The following RANBP2 variants were observed in gnomAD, a reference collection of about 807,000 sequenced individuals.
RANBP2 encodes RAN binding protein 2, also known as E3 SUMO-protein ligase RanBP2.
Under a neutral mutation model 303.6 loss-of-function variants are expected in RANBP2, and 57 were observed. That is an observed-to-expected ratio of 0.19 (90% CI 0.15 to 0.23). RANBP2 has a LOEUF of 0.23. Ranked by LOEUF, RANBP2 falls within the 10% of genes least tolerant of loss-of-function variation. The probability of loss-of-function intolerance (pLI) is 1.00; values close to 1 mark genes in which losing one functional copy is unlikely to be tolerated. For synonymous variants in RANBP2, 1,167 were observed against 1,301.5 expected (o/e 0.90, Z 2.23); for missense variants, 3,138 against 3,780.8 (o/e 0.83, Z 4.46).
At chr2:109,238,375 C>T in the RANBP2 span, among the ~76,000 whole-genome samples, 404 of 152,014 alleles carry the variant, frequency 2.7e-3, 2 homozygotes, top group African/African-American at 9.4e-3. Flanking sequence ...CAGAGCATGA[C>T]AGCTAGATTG....
the RANBP2 span, among the ~76,000 whole-genome samples, chr2:108,870,495 A>G: frequency 3.3e-5 from 5 of 152,238 alleles, 1 homozygote; most frequent in Non-Finnish European, 7.3e-5. Flanking sequence ...ACGGCTCTAC[A>G]AATCAAAGAA....
the RANBP2 span, among the ~76,000 whole-genome samples, chr2:108,981,814 A>T: frequency 2.1e-4 from 32 of 152,238 alleles, no homozygotes; most frequent in Admixed American, 1.7e-3. Flanking sequence ...CACCTCTCCA[A>T]GCCTTACTCT....
At chr2:109,479,861 C>T in the RANBP2 span, among the ~76,000 whole-genome samples, 3 of 152,134 alleles carry the variant, frequency 2.0e-5, no homozygotes, top group Non-Finnish European at 4.4e-5. Flanking sequence ...GCCCTCAGAG[C>T]CTTCATACGG....
the RANBP2 span, chr2:109,129,269 C>T: frequency 1.6e-6 from 1 of 607,964 alleles, no homozygotes; most frequent in East Asian, 3.8e-5. Context: ...GGACTTGCGG[C>T]GGGACAGGTG....
the RANBP2 span, among the ~76,000 whole-genome samples, chr2:109,025,300 T>C: frequency 6.6e-5 from 10 of 152,230 alleles, no homozygotes; most frequent in Non-Finnish European, 1.3e-4. Flanking sequence ...TGAATAATGC[T>C]GCTCTAATCA....
the RANBP2 span, among the ~76,000 whole-genome samples, chr2:109,005,130 C>G: frequency 6.6e-6 from 1 of 152,202 alleles, no homozygotes; most frequent in Non-Finnish European, 1.5e-5. Flanking sequence ...TATTTGGTAC[C>G]TAGAAGCTAG....
the RANBP2 span, among the ~76,000 whole-genome samples, chr2:108,821,995 C>A: frequency 3.3e-5 from 5 of 150,032 alleles, no homozygotes; most frequent in Non-Finnish European, 7.4e-5. Flanking sequence ...TAGATGAAAT[C>A]AAAAAACTAA....
chr2:109,144,330 A>T, the RANBP2 span, among the ~76,000 whole-genome samples: 10 of 151,380 alleles, frequency 6.6e-5, no homozygotes, highest in South Asian at 2.1e-3. Flanking sequence ...TCAATAAAAC[A>T]GGGGAAATAT....
At chr2:109,519,458 T>C in the RANBP2 span, among the ~76,000 whole-genome samples, 2 of 152,178 alleles carry the variant, frequency 1.3e-5, no homozygotes, top group Non-Finnish European at 2.9e-5. Context: ...CTTGTAGTTC[T>C]AGGAACATTG....
chr2:108,910,857 A>G, the RANBP2 span: 1 of 1,613,900 alleles, frequency 6.2e-7, no homozygotes. Context: ...CAGGCTGGGG[A>G]GAGAGGAGGG....
chr2:109,286,445 A>C, the RANBP2 span, among the ~76,000 whole-genome samples: 1,076 of 152,288 alleles, frequency 7.1e-3, 16 homozygotes, highest in African/African-American at 0.025. Context: ...TCCTGTGGTC[A>C]CTCAGCACAT....
At chr2:109,048,964 T>C in the RANBP2 span, among the ~76,000 whole-genome samples, 2 of 152,248 alleles carry the variant, frequency 1.3e-5, no homozygotes, top group Admixed American at 1.3e-4. Context: ...TTCTGAACAG[T>C]TCACAGTCTT....
chr2:109,332,924 G>T, the RANBP2 span, among the ~76,000 whole-genome samples: 1 of 152,258 alleles, frequency 6.6e-6, no homozygotes, highest in Non-Finnish European at 1.5e-5. Flanking sequence ...CTGTTTTGAT[G>T]GGAGGAAATT....
chr2:109,678,921 G>A, the RANBP2 span, among the ~76,000 whole-genome samples: 2 of 152,196 alleles, frequency 1.3e-5, no homozygotes, highest in Non-Finnish European at 2.9e-5. Context: ...ACTGGAGCTA[G>A]GAATGCAGGA....
the RANBP2 span, among the ~76,000 whole-genome samples, chr2:109,636,199 C>T: frequency 6.6e-6 from 1 of 152,172 alleles, no homozygotes; most frequent in Non-Finnish European, 1.5e-5. Context: ...GTCTATAAGC[C>T]ACCAAGTCTG....
At chr2:109,541,464 C>G in the RANBP2 span, among the ~76,000 whole-genome samples, 1 of 152,198 alleles carries the variant, frequency 6.6e-6, no homozygotes, top group Non-Finnish European at 1.5e-5. Flanking sequence ...GCCCAGCTCC[C>G]CCTGCCTGCC....
chr2:108,794,504 A>C, the RANBP2 span: 1 of 1,552,082 alleles, frequency 6.4e-7, no homozygotes, highest in Non-Finnish European at 8.7e-7. Context: ...CAATAAGTTA[A>C]TAAAGTTTAT....
At chr2:109,059,589 G>C in the RANBP2 span, among the ~76,000 whole-genome samples, 1 of 150,400 alleles carries the variant, frequency 6.6e-6, no homozygotes, top group Admixed American at 6.6e-5. Context: ...AAAAAAAAAA[G>C]GTCACACAAC....
the RANBP2 span, among the ~76,000 whole-genome samples, chr2:109,507,032 G>C: frequency 6.6e-6 from 1 of 152,198 alleles, no homozygotes; most frequent in Admixed American, 6.5e-5. Flanking sequence ...AGTCTTGGGG[G>C]CTGGAGGCTA....
Sources: allele counts gnomAD v4.1 joint callset (sites outside exome capture counted in the v4.1 genomes callset), GRCh38; gene constraint gnomAD v4.1.1; transcripts MANE v1.5; gene names NCBI Gene and HGNC (gene_info 2026-07-23, HGNC 2026-07-21).